Variants in TTLL9 observed in about 807,000 individuals in gnomAD.
TTLL9 encodes probable tubulin polyglutamylase TTLL9.
In TTLL9, 47 loss-of-function variants were observed where a neutral mutation model predicts 65.6. The observed-to-expected ratio is 0.72, with a 90% CI of 0.57 to 0.91. The LOEUF (loss-of-function observed/expected upper bound fraction) is 0.91. TTLL9 is among the 40% of genes least tolerant of loss of function. The pLI is 0.00. For missense variants in TTLL9, 537 were observed against 568.8 expected (o/e 0.94, Z 0.57); for synonymous variants, 179 against 204.8 (o/e 0.87, Z 1.07).
intron 4 of TTLL9, among the ~76,000 whole-genome samples, chr20:31,902,117 TTC>T (rs200656243): frequency 1.5e-3 from 226 of 150,160 alleles, no homozygotes; most frequent in African/African-American, 5.4e-3. Flanking sequence ...CACTTTTTTT[TTC>T]CCCCACATAC....
At chr20:31,885,983 C>T (rs535038714) in intron 2 of TTLL9, among the ~76,000 whole-genome samples, 1 of 152,314 alleles carries the variant, frequency 6.6e-6, no homozygotes, top group Admixed American at 6.5e-5. Context: ...TGAGAGCAGT[C>T]CCCAGCAGAC....
In TTLL9 at chr20:31,943,104, A is replaced by C; in HGVS notation, c.*83A>C. ...CTCCCAGATCCCAGCACAGCACCTC[A>C]CAGCATTCGCCTCCCCACCTCCAGC... On this transcript the variant is annotated 3_prime_UTR_variant, in exon 15 of 15. Transcript: ENST00000535842. 101 of 1,314,704 alleles carry C rather than the reference A, an allele frequency of 7.7e-5. No homozygotes were observed. The highest frequency in any genetic ancestry group is 9.7e-5 in the Non-Finnish European group (89 of 915,706). 81.4% of individuals were successfully genotyped at this position (1,314,704 alleles called of 1,614,324 possible). A position where few individuals can be genotyped will look rare whatever the true frequency, so the allele number is the denominator to read the frequency against.
At chr20:31,906,122 T>C (rs2063554984) in intron 4 of TTLL9, among the ~76,000 whole-genome samples, 1 of 151,820 alleles carries the variant, frequency 6.6e-6, no homozygotes, top group Admixed American at 6.6e-5. Flanking sequence ...ATTGTTCCAG[T>C]TGCTATGGCT....
At chr20:31,895,140 C>A (rs575574070) in intron 3 of TTLL9, among the ~76,000 whole-genome samples, 1 of 152,264 alleles carries the variant, frequency 6.6e-6, no homozygotes, top group Admixed American at 6.5e-5. Flanking sequence ...AGGGCAGCCC[C>A]CAGCATGTCT....
intron 3 of TTLL9, among the ~76,000 whole-genome samples, chr20:31,889,380 C>G (rs942590662): frequency 4.6e-5 from 7 of 152,012 alleles, no homozygotes; most frequent in African/African-American, 1.7e-4. Flanking sequence ...CCCATCTCAG[C>G]CTTCTGAGTA....
intron 2 of TTLL9, among the ~76,000 whole-genome samples, chr20:31,878,100 C>T (rs757337745): frequency 6.6e-6 from 1 of 152,166 alleles, no homozygotes; most frequent in Non-Finnish European, 1.5e-5. Flanking sequence ...TCTGTTTCTA[C>T]ATATCTTATA....
intron 11 of TTLL9, 90 bp downstream of exon 11, chr20:31,933,948 G>A: frequency 7.3e-7 from 1 of 1,373,670 alleles, no homozygotes; most frequent in East Asian, 2.5e-5. Flanking sequence ...GCCCAGGACA[G>A]GCCTGTCTGA....
Position 31,943,476 on chromosome 20 carries a change from AAG to A in TTLL9, c.*458_*459del, listed in dbSNP as rs2064256138. The A allele has an allele frequency of 6.2e-6, 2 of 322,236 alleles. No individual in the cohort carries two copies. The highest frequency in any genetic ancestry group is 5.4e-5 in the South Asian group (2 of 36,894). 20.0% of individuals were successfully genotyped at this position (322,236 alleles called of 1,614,324 possible). On this transcript the variant is annotated 3_prime_UTR_variant, in exon 15 of 15. Transcript: ENST00000535842. ...AGTGCTGAAAAGGTCCTTCAGGAGCAAGAGTTTGGAGGCTAAGGAACTCGTCT... is the reference window on the plus strand; with the variant it reads ...AGTGCTGAAAAGGTCCTTCAGGAGCAAGTTTGGAGGCTAAGGAACTCGTCT...
intron 3 of TTLL9, among the ~76,000 whole-genome samples, chr20:31,891,741 T>A (rs1032886904): frequency 6.6e-6 from 1 of 152,248 alleles, no homozygotes; most frequent in African/African-American, 2.4e-5. Context: ...CCCAATTGAC[T>A]TTTGTATATG....
At chr20:31,897,462 G>A (rs985553578) in intron 3 of TTLL9, among the ~76,000 whole-genome samples, 1 of 152,182 alleles carries the variant, frequency 6.6e-6, no homozygotes, top group African/African-American at 2.4e-5. Context: ...GATCTTTCCA[G>A]AGAACTTGCC....
intron 2 of TTLL9, among the ~76,000 whole-genome samples, chr20:31,883,205 T>C (rs1334788849): frequency 6.6e-6 from 1 of 151,742 alleles, no homozygotes; most frequent in Non-Finnish European, 1.5e-5. Flanking sequence ...TCTTTCTTTT[T>C]TTTTTTTTTT....
At chr20:31,925,535 G>A (rs1262186136) in intron 9 of TTLL9, among the ~76,000 whole-genome samples, 1 of 152,140 alleles carries the variant, frequency 6.6e-6, no homozygotes, top group Non-Finnish European at 1.5e-5. Context: ...ACCAGGGAGT[G>A]GCTATATTCC....
At chr20:31,914,027 G>A (rs576213744) in intron 6 of TTLL9, among the ~76,000 whole-genome samples, 4 of 152,296 alleles carry the variant, frequency 2.6e-5, no homozygotes, top group Non-Finnish European at 4.4e-5. Flanking sequence ...CTCACCCTGC[G>A]TCCACCAAGC....
Position 31,892,534 on chromosome 20 carries a change from T to G in TTLL9, c.113+5295T>G, listed in dbSNP as rs115196097. ...ATGTACTGAGATGAGTAGTAGTCGTTTTACATTTTTGTGACTCTCTTTAAC... is the reference window on the plus strand; with the variant it reads ...ATGTACTGAGATGAGTAGTAGTCGTGTTACATTTTTGTGACTCTCTTTAAC... On this transcript the variant is annotated intron_variant, in intron 3 of 14. Transcript: ENST00000535842. Among the ~76,000 whole-genome samples the G allele has an allele frequency of 4.1e-3, 631 of 152,296 alleles. 6 individuals carry two copies. The highest frequency in any genetic ancestry group is 0.014 in the African/African-American group (598 of 41,548).
At chr20:31,878,506 G>A (rs1310458173) in intron 2 of TTLL9, among the ~76,000 whole-genome samples, 1 of 152,246 alleles carries the variant, frequency 6.6e-6, no homozygotes, top group Non-Finnish European at 1.5e-5. Context: ...AGAGGTGCTA[G>A]TACCAGCAAC....
chr20:31,932,534 A>G (rs1025938938), intron 10 of TTLL9, among the ~76,000 whole-genome samples: 1 of 151,802 alleles, frequency 6.6e-6, no homozygotes, highest in Non-Finnish European at 1.5e-5. Context: ...TAAAGAGGAT[A>G]CCTTTTCCAG....
intron 10 of TTLL9, among the ~76,000 whole-genome samples, chr20:31,931,172 T>G (rs2064003162): frequency 6.7e-6 from 1 of 149,348 alleles, no homozygotes; most frequent in Non-Finnish European, 1.5e-5. Context: ...CTCCATCTCC[T>G]GGGCTGAAGC....
intron 2 of TTLL9, among the ~76,000 whole-genome samples, chr20:31,875,172 C>G (rs2063020660): frequency 6.6e-6 from 1 of 152,012 alleles, no homozygotes; most frequent in African/African-American, 2.4e-5. Flanking sequence ...CTGCCACTGA[C>G]TTTGAGCAAG....
intron 6 of TTLL9, among the ~76,000 whole-genome samples, chr20:31,917,612 C>A (rs1263520486): frequency 6.6e-6 from 1 of 152,216 alleles, no homozygotes; most frequent in Non-Finnish European, 1.5e-5. Context: ...AGTTTCCAAA[C>A]AACGTACTCT....
Sources: allele counts gnomAD v4.1 joint callset (sites outside exome capture counted in the v4.1 genomes callset), GRCh38; gene constraint gnomAD v4.1.1; transcripts MANE v1.5; gene names NCBI Gene and HGNC (gene_info 2026-07-23, HGNC 2026-07-21).